BEND7: variants seen among roughly 807,000 people sequenced by gnomAD.
The protein encoded by BEND7 is BEN domain containing 7.
Under a neutral mutation model 50.9 loss-of-function variants are expected in BEND7, and 28 were observed. The observed-to-expected ratio is 0.55, with a 90% CI of 0.41 to 0.75. BEND7 has a LOEUF of 0.75. Among genes scored for constraint, BEND7 ranks in the 30% least tolerant of loss-of-function variants. The pLI is 0.00. For synonymous variants in BEND7, 170 were observed against 183.9 expected, an observed-to-expected ratio of 0.92 and a Z score of 0.61; for missense variants, 477 against 491.3, an observed-to-expected ratio of 0.97 and a Z score of 0.28.
At chr10:13,461,331 A>G (rs1840157094) in intron 6 of BEND7, among the ~76,000 whole-genome samples, 1 of 152,224 alleles carries the variant, frequency 6.6e-6, no homozygotes, top group Non-Finnish European at 1.5e-5. Context: ...AGCTGGAACG[A>G]AAGCCTCTGG....
intron 8 of BEND7, chr10:13,446,517 C>A (rs1427378900): frequency 6.6e-6 from 1 of 152,116 alleles, no homozygotes; most frequent in Non-Finnish European, 1.5e-5. Context: ...CTTCAGATAT[C>A]CTTTGGAGGG....
intron 2 of BEND7, among the ~76,000 whole-genome samples, chr10:13,511,703 T>C (rs2078283948): frequency 6.6e-6 from 1 of 151,572 alleles, no homozygotes; most frequent in Admixed American, 6.6e-5. Flanking sequence ...AAGCTATGAA[T>C]ACCACTTACA....
chr10:13,490,568 C>A (rs1013855589), intron 5 of BEND7, among the ~76,000 whole-genome samples: 1 of 152,226 alleles, frequency 6.6e-6, no homozygotes, highest in African/African-American at 2.4e-5. Context: ...CATGCATCTT[C>A]CTCCGGCTAT....
intron 2 of BEND7, among the ~76,000 whole-genome samples, chr10:13,501,112 C>T (rs915741318): frequency 6.6e-6 from 1 of 152,178 alleles, no homozygotes; most frequent in Admixed American, 6.5e-5. Flanking sequence ...CAGTGGCTCA[C>T]GCCTGTAATC....
intron 7 of BEND7, among the ~76,000 whole-genome samples, chr10:13,449,533 C>T (rs955344405): frequency 5.3e-5 from 8 of 152,274 alleles, no homozygotes; most frequent in African/African-American, 7.2e-5. Context: ...CTGGGCTATT[C>T]GTCTCTTTGC....
At chr10:13,485,222 T>C (rs2076138041) in intron 5 of BEND7, among the ~76,000 whole-genome samples, 2 of 152,208 alleles carry the variant, frequency 1.3e-5, no homozygotes, top group Non-Finnish European at 2.9e-5. Context: ...AGGGACTATT[T>C]CTATCATAGG....
intron 2 of BEND7, among the ~76,000 whole-genome samples, chr10:13,513,683 C>T (rs2078444478): frequency 6.6e-6 from 1 of 152,244 alleles, no homozygotes; most frequent in Non-Finnish European, 1.5e-5. Context: ...GATTGCTCCC[C>T]TCCCATTCTA....
At chr10:13,508,211 T>G (rs2078032516) in intron 2 of BEND7, among the ~76,000 whole-genome samples, 1 of 152,180 alleles carries the variant, frequency 6.6e-6, no homozygotes, top group Non-Finnish European at 1.5e-5. Context: ...GCTGGCAGCC[T>G]GCAGGGACAA....
At chr10:13,521,293 G>C (rs188659412) in intron 2 of BEND7, among the ~76,000 whole-genome samples, 31 of 152,292 alleles carry the variant, frequency 2.0e-4, no homozygotes, top group African/African-American at 7.5e-4. Context: ...TCCTGGCTCT[G>C]GCACTGAGTA....
intron 6 of BEND7, among the ~76,000 whole-genome samples, chr10:13,478,514 C>T (rs2075624522): frequency 6.6e-6 from 1 of 152,066 alleles, no homozygotes; most frequent in Admixed American, 6.5e-5. Context: ...TGTTGACTAG[C>T]CAGAATGAAT....
chr10:13,453,308 C>T (rs1588660322), intron 6 of BEND7, among the ~76,000 whole-genome samples: 3 of 152,258 alleles, frequency 2.0e-5, no homozygotes, highest in South Asian at 4.1e-4. Context: ...GCACACGCAG[C>T]GCTGGGGTTG....
chr10:13,458,220 G>T (rs1176469513), intron 6 of BEND7, among the ~76,000 whole-genome samples: 1 of 152,194 alleles, frequency 6.6e-6, no homozygotes, highest in African/African-American at 2.4e-5. Flanking sequence ...ATCAGCTGCT[G>T]GTGGCTGGGC....
chr10:13,496,227 A>G (rs893418991), intron 4 of BEND7, among the ~76,000 whole-genome samples: 1 of 152,230 alleles, frequency 6.6e-6, no homozygotes, highest in Admixed American at 6.5e-5. Context: ...CAAAAGCAGA[A>G]ATTGGCATCC....
At chr10:13,506,044 G>A (rs1238681726) in intron 2 of BEND7, among the ~76,000 whole-genome samples, 1 of 152,136 alleles carries the variant, frequency 6.6e-6, no homozygotes, top group Non-Finnish European at 1.5e-5. Context: ...AGATCATCGG[G>A]TACAAATTGA....
chr10:13,460,256 A>C (rs1251551042), intron 6 of BEND7, among the ~76,000 whole-genome samples: 1 of 152,146 alleles, frequency 6.6e-6, no homozygotes, highest in Non-Finnish European at 1.5e-5. Context: ...AGACACAGAG[A>C]CAAGGCTCAT....
intron 8 of BEND7, chr10:13,444,157 T>G (rs140567696): frequency 6.6e-6 from 1 of 152,300 alleles, no homozygotes; most frequent in Non-Finnish European, 1.5e-5. Context: ...AGCATTTATG[T>G]AATTCCTTCT....
At chr10:13,438,977 A>C, downstream of BEND7, 1 of 584,264 alleles carries the variant, frequency 1.7e-6, no homozygotes. Context: ...CACTGTCGTC[A>C]GAATGACTCG....
At chr10:13,496,923 C>CA in intron 3 of BEND7, 35 bp from the exon 4 acceptor site, 3 of 807,630 alleles carry the variant, frequency 3.7e-6, no homozygotes, top group African/African-American at 4.2e-5. Flanking sequence ...ATACTCCAAA[C>CA]AAACCAAAAA....
chr10:13,474,792 T>C (rs2075306658), intron 6 of BEND7, among the ~76,000 whole-genome samples: 1 of 152,212 alleles, frequency 6.6e-6, no homozygotes, highest in Admixed American at 6.5e-5. Flanking sequence ...TGGACTCGGG[T>C]TGATACCCAT....
Sources: allele counts gnomAD v4.1 joint callset (sites outside exome capture counted in the v4.1 genomes callset), GRCh38; gene constraint gnomAD v4.1.1; transcripts MANE v1.5; gene names NCBI Gene and HGNC (gene_info 2026-07-23, HGNC 2026-07-21).